The following TACC1 variants were observed in gnomAD, a reference collection of about 807,000 sequenced individuals.
TACC1 encodes the protein transforming acidic coiled-coil-containing protein 1.
In TACC1, 48 loss-of-function variants were observed where a neutral mutation model predicts 84.4. The ratio of observed to expected loss-of-function variants is 0.57; its 90% CI spans 0.45 to 0.72. TACC1 has a LOEUF of 0.72. Ranked by LOEUF, TACC1 falls within the 30% of genes least tolerant of loss-of-function variation. TACC1 has a pLI of 0.00. For synonymous variants in TACC1, 372 were observed against 376.3 expected (o/e 0.99, Z 0.13); for missense variants, 920 against 973.0 (o/e 0.95, Z 0.72).
At chr8:38,767,454 G>T (rs149950965) in intron 3 of TACC1, among the ~76,000 whole-genome samples, 1,773 of 152,352 alleles carry the variant, frequency 0.012, 46 homozygotes, top group African/African-American at 0.04. Flanking sequence ...AGATTGGCAG[G>T]TTCTCTTGAG....
intron 2 of TACC1, among the ~76,000 whole-genome samples, chr8:38,804,067 A>AT (rs1014827808): frequency 1.9e-4 from 29 of 151,874 alleles, no homozygotes; most frequent in African/African-American, 6.8e-4. Flanking sequence ...ATTTTTTCTT[A>AT]TTTTTTAATG....
chr8:38,790,947 T>C (rs1301869842), intron 2 of TACC1, among the ~76,000 whole-genome samples: 1 of 152,226 alleles, frequency 6.6e-6, no homozygotes, highest in Non-Finnish European at 1.5e-5. Flanking sequence ...TTATTCCTCA[T>C]AGCTTCCCTT....
intron 3 of TACC1, among the ~76,000 whole-genome samples, chr8:38,774,799 T>G (rs1184497926): frequency 6.6e-6 from 1 of 151,924 alleles, no homozygotes; most frequent in Non-Finnish European, 1.5e-5. Flanking sequence ...GATCACGAGG[T>G]CAGGAGTTCG....
intron 3 of TACC1, among the ~76,000 whole-genome samples, chr8:38,763,107 A>G (rs1288262803): frequency 6.6e-6 from 1 of 152,128 alleles, no homozygotes; most frequent in Non-Finnish European, 1.5e-5. Flanking sequence ...GTTTTTAAAT[A>G]GGCATCCCAA....
chr8:38,742,489 G>A lies in TACC1; in HGVS notation c.-574+38G>A, dbSNP rs368544231. 51 of 1,451,114 alleles carry A rather than the reference G, an allele frequency of 3.5e-5. 1 individual carries two copies. In the African/African-American group the frequency reaches 5.1e-4, roughly 14 times the overall value. 89.9% of individuals were successfully genotyped at this position (1,451,114 alleles called of 1,614,324 possible). A position where few individuals can be genotyped will look rare whatever the true frequency, so the allele number is the denominator to read the frequency against. ...TTTGACATTGAATATACCTGGGATG[G>A]ATTTTAAAGTAAAAATTTTTATTTC... On this transcript the variant is annotated intron_variant, in intron 2 of 14. Coordinates refer to the TACC1 transcript ENST00000518415.
upstream of TACC1, among the ~76,000 whole-genome samples, chr8:38,786,430 G>C (rs978182921): frequency 6.6e-6 from 1 of 152,216 alleles, no homozygotes; most frequent in Non-Finnish European, 1.5e-5. Flanking sequence ...GGGGTCAGGC[G>C]CGGTGTCAGG....
chr8:38,744,584 G>A (rs1807710380), intron 2 of TACC1, among the ~76,000 whole-genome samples: 1 of 152,166 alleles, frequency 6.6e-6, no homozygotes, highest in African/African-American at 2.4e-5. Context: ...GAGAAAGGGA[G>A]AAGTGATACT....
At chr8:38,831,552 G>T (rs1209537066) in intron 6 of TACC1, among the ~76,000 whole-genome samples, 1 of 152,186 alleles carries the variant, frequency 6.6e-6, no homozygotes, top group Non-Finnish European at 1.5e-5. Flanking sequence ...CTGGAGTACA[G>T]TGGTGCAATC....
At chr8:38,750,103 T>C (rs1808767199) in intron 3 of TACC1, among the ~76,000 whole-genome samples, 1 of 151,874 alleles carries the variant, frequency 6.6e-6, no homozygotes, top group South Asian at 2.1e-4. Context: ...AGACCAGGAG[T>C]TCAAGGCTAT....
chr8:38,827,234 G>C lies in TACC1; in HGVS notation c.1519G>C (p.Glu507Gln). The C allele has an allele frequency of 6.2e-7, 1 of 1,614,218 alleles. No homozygotes were observed. The highest frequency in any genetic ancestry group is 8.5e-7 in the Non-Finnish European group (1 of 1,180,042). Residue 507 changes from glutamate (E) to glutamine (Q), a missense_variant, in exon 5 of 13, where the codon GAG becomes CAG. Around this residue, in one of 2 missense-constraint regions of TACC1, gnomAD observed 762 missense variants for 747.3 expected, o/e 1.02. Transcript: ENST00000317827. ...SNRDGHATDE[E>Q]KLASTSCGQK... ...TAGGGATGGCCATGCTACTGATGAGGAGAAACTGGCATCCACGTCATGTGG... is the reference window on the plus strand; with the variant it reads ...TAGGGATGGCCATGCTACTGATGAGCAGAAACTGGCATCCACGTCATGTGG...
Position 38,848,047 on chromosome 8 carries a change from A to G in TACC1, c.*24A>G, listed in dbSNP as rs764270131. ...GAGACACTCCCCCTGTTAGCTCAACAGATCTGCATTTGGCTGCTTCTCTTG... is the reference window on the plus strand; with the variant it reads ...GAGACACTCCCCCTGTTAGCTCAACGGATCTGCATTTGGCTGCTTCTCTTG... On this transcript the variant is annotated 3_prime_UTR_variant, in exon 13 of 13. Transcript: ENST00000317827. 3 of 1,606,252 alleles carry G rather than the reference A, an allele frequency of 1.9e-6. No individual in the cohort carries two copies. The Admixed American group carries it at 5.0e-5, about 27-fold the overall frequency.
chr8:38,741,085 C>T (rs529603344), intron 1 of TACC1, among the ~76,000 whole-genome samples: 1 of 152,118 alleles, frequency 6.6e-6, no homozygotes, highest in South Asian at 2.1e-4. Flanking sequence ...TTCTGTTCTG[C>T]AGCATTTTCA....
At chr8:38,746,098 T>C (rs1399123510) in intron 3 of TACC1, among the ~76,000 whole-genome samples, 1 of 152,238 alleles carries the variant, frequency 6.6e-6, no homozygotes, top group African/African-American at 2.4e-5. Context: ...ATTATAGGTG[T>C]AAGCTCTCCT....
chr8:38,739,682 T>A (rs770102560), intron 1 of TACC1, among the ~76,000 whole-genome samples: 4 of 152,246 alleles, frequency 2.6e-5, no homozygotes, highest in Non-Finnish European at 5.9e-5. Flanking sequence ...AAGTTCTATG[T>A]GTTTTGACAA....
intron 1 of TACC1, 47 bp downstream of exon 1, chr8:38,787,790 T>C (rs1267092589): frequency 6.9e-7 from 1 of 1,453,508 alleles, no homozygotes; most frequent in Admixed American, 2.7e-5. Flanking sequence ...CTTGCCTCCA[T>C]CCATCTGCGA....
upstream of TACC1, among the ~76,000 whole-genome samples, chr8:38,783,090 C>CTA (rs1816398391): frequency 8.0e-5 from 9 of 111,900 alleles, no homozygotes; most frequent in Non-Finnish European, 1.5e-4. Flanking sequence ...ATCTATCTAT[C>CTA]TATCTATCTA....
At chr8:38,827,137 A>G (rs1199543816) in intron 4 of TACC1, 31 bp from the exon 5 acceptor site, 9 of 1,599,270 alleles carry the variant, frequency 5.6e-6, no homozygotes, top group African/African-American at 1.3e-5. Flanking sequence ...GCCCTCCTAA[A>G]GGGTAGCATC....
In TACC1 at chr8:38,848,288, G is replaced by T; in HGVS notation, c.*265G>T. 3.1e-6 allele frequency: 1 copy of T among 319,264 alleles called. No individual in the cohort carries two copies. 19.8% of individuals were successfully genotyped at this position (319,264 alleles called of 1,614,324 possible). ...CCCCCTATGAAGGTTCCCTTAGGCT[G>T]CTGAGTTTGGGTTTGTGATTTATCT... On this transcript the variant is annotated 3_prime_UTR_variant, in exon 13 of 13. Transcript: ENST00000317827.
intron 1 of TACC1, among the ~76,000 whole-genome samples, chr8:38,738,899 CT>C (rs1197628232): frequency 6.6e-6 from 1 of 151,956 alleles, no homozygotes; most frequent in Non-Finnish European, 1.5e-5. Flanking sequence ...GTGCTGACTT[CT>C]TTTTTTTGAG....
Sources: gnomAD v4.1 joint callset for allele counts (sites outside exome capture counted in the v4.1 genomes callset) on GRCh38, gnomAD v4.1.1 for gene constraint, gnomAD v4.1.1 regional missense constraint, MANE v1.5 for transcripts, NCBI Gene and HGNC (gene_info 2026-07-23, HGNC 2026-07-21) for gene names.